Variants in MLIP observed in about 807,000 individuals in gnomAD.
The protein encoded by MLIP is muscular LMNA-interacting protein.
A neutral mutation model predicts 84.8 loss-of-function variants in MLIP; 79 were observed. That is an observed-to-expected ratio of 0.93 (90% CI 0.78 to 1.12). MLIP has a LOEUF of 1.12. Among genes scored for constraint, MLIP ranks in the 50% most tolerant of loss-of-function variants. The probability of loss-of-function intolerance (pLI) is 0.00; values close to 1 mark genes in which losing one functional copy is unlikely to be tolerated. For missense variants in MLIP, 1,257 were observed against 1,160.6 expected (o/e 1.08, Z -1.21); for synonymous variants, 504 against 463.0 (o/e 1.09, Z -1.14).
At chr6:54,241,007 G>T in intron 12 of MLIP, among the ~76,000 whole-genome samples, 1 of 151,766 alleles carries the variant, frequency 6.6e-6, no homozygotes, top group East Asian at 1.9e-4. Context: ...GAAAAAAGCA[G>T]ATTCCTAAGC....
chr6:54,026,521 A>G (rs1438417034), intron 1 of MLIP, among the ~76,000 whole-genome samples: 1 of 152,244 alleles, frequency 6.6e-6, no homozygotes, highest in Admixed American at 6.5e-5. Context: ...AATTTTAAAA[A>G]GAGAGAGGAA....
intron 13 of MLIP, chr6:54,261,841 A>T (rs1783413841): frequency 1.7e-6 from 1 of 597,542 alleles, no homozygotes; most frequent in African/African-American, 2.0e-5. Flanking sequence ...TTTCCAAAAC[A>T]TTATTTCTCA....
At chr6:54,239,972 C>T (rs1209387810) in intron 12 of MLIP, among the ~76,000 whole-genome samples, 1 of 152,102 alleles carries the variant, frequency 6.6e-6, no homozygotes, top group Non-Finnish European at 1.5e-5. Context: ...AGTCACTCTA[C>T]TTATAGTGAA....
chr6:54,249,756 C>CACAT (rs1554193614), intron 12 of MLIP, among the ~76,000 whole-genome samples: 5 of 151,030 alleles, frequency 3.3e-5, no homozygotes, highest in Non-Finnish European at 5.9e-5. Flanking sequence ...TACACACACA[C>CACAT]ATATATATAC....
chr6:54,154,483 C>T (rs9382296), intron 5 of MLIP, among the ~76,000 whole-genome samples: 1,683 of 152,234 alleles, frequency 0.011, 33 homozygotes, highest in African/African-American at 0.035. Flanking sequence ...GAGCTAAGTG[C>T]GCTTTCATCT....
intron 1 of MLIP, among the ~76,000 whole-genome samples, chr6:54,042,811 T>A (rs1420078838): frequency 6.6e-6 from 1 of 152,170 alleles, no homozygotes; most frequent in Non-Finnish European, 1.5e-5. Context: ...GAGTAACGTA[T>A]GTCACAATTT....
Position 54,138,247 on chromosome 6 carries a change from A to G in MLIP, c.2178A>G (p.Ala726=), listed in dbSNP as rs1439210261. 3.3e-6 allele frequency: 5 copies of G among 1,535,872 alleles called. No individual in the cohort carries two copies. In the South Asian group the frequency reaches 4.8e-5, roughly 15 times the overall value. The part of the protein sequence containing the change: ...TRTEELISPC[A]LSMSTGPENK... ...CAGAGGAGCTGATTTCACCTTGTGC[A>G]TTGTCCATGTCAACAGGCCCAGAAA... is the stretch of plus-strand genomic sequence containing the variant. Residue 726 remains alanine (A), a synonymous_variant, in exon 4 of 14, where the codon GCA becomes GCG. Transcript: ENST00000502396.
At chr6:54,247,030 T>C (rs766668805) in intron 12 of MLIP, among the ~76,000 whole-genome samples, 20 of 152,310 alleles carry the variant, frequency 1.3e-4, no homozygotes, top group Non-Finnish European at 2.4e-4. Context: ...TGTCTTTCTC[T>C]TTTTATTTAA....
chr6:54,240,982 A>G lies in MLIP; in HGVS notation c.2922+10065A>G, dbSNP rs1582600782. On this transcript the variant is annotated intron_variant, in intron 12 of 13. Transcript: ENST00000502396. ...AGAGTGAGACTCCGTCTCAAAAAAT[A>G]AAAAAAAATCAAAAGAAAAAAGCAG... 2.0e-5 allele frequency among the ~76,000 whole-genome samples: 3 copies of G among 148,590 alleles called. No individual in the cohort carries two copies. The East Asian group carries it at 5.8e-4, about 29-fold the overall frequency.
intron 1 of MLIP, among the ~76,000 whole-genome samples, chr6:54,081,554 G>GC (rs1726511604): frequency 6.6e-6 from 1 of 151,988 alleles, no homozygotes; most frequent in African/African-American, 2.4e-5. Flanking sequence ...GATTACAGGC[G>GC]CCCGCCACCA....
chr6:54,208,997 C>T (rs541146189), intron 11 of MLIP, among the ~76,000 whole-genome samples: 38 of 152,142 alleles, frequency 2.5e-4, no homozygotes, highest in African/African-American at 7.9e-4. Context: ...GCTCATGAGA[C>T]GTGAGATCAA....
chr6:54,136,545 G>A (rs1393520078), intron 3 of MLIP, among the ~76,000 whole-genome samples, 170 bp from the exon 4 acceptor site: 1 of 152,064 alleles, frequency 6.6e-6, no homozygotes, highest in African/African-American at 2.4e-5. Context: ...ATCTTATTTC[G>A]AATTCAGAGC....
chr6:54,124,607 G>C lies in MLIP; in HGVS notation c.387G>C (p.Gly129=), dbSNP rs1390362569. Residue 129 remains glycine (G), a synonymous_variant, in exon 3 of 14, where the codon GGG becomes GGC. Coordinates refer to ENST00000502396, the MANE Select transcript of MLIP (RefSeq NM_001281747.2). The part of the protein sequence containing the change: ...EREFEANKLQ[G]MQQSDLFKAE... ...AATTCGAAGCAAACAAACTTCAAGG[G>C]ATGCAGCAAAGTGACCTCTTCAAAG... 1 of 1,614,070 alleles carries C rather than the reference G, an allele frequency of 6.2e-7. No individual in the cohort carries two copies. The highest frequency in any genetic ancestry group is 1.3e-5 in the African/African-American group (1 of 74,928).
intron 13 of MLIP, among the ~76,000 whole-genome samples, chr6:54,259,528 G>C (rs1348295745): frequency 6.6e-6 from 1 of 151,856 alleles, no homozygotes; most frequent in Non-Finnish European, 1.5e-5. Flanking sequence ...TAATGCAAAA[G>C]ACTTTGTGAG....
In MLIP at chr6:54,124,858, A is replaced by G. The variant is rs1287632755; in HGVS notation, c.638A>G (p.His213Arg). 3 of 1,582,348 alleles carry G rather than the reference A, an allele frequency of 1.9e-6. No individual in the cohort carries two copies. Residue 213 changes from histidine to arginine, a missense_variant, in exon 3 of 14, where the codon CAT (histidine) becomes CGT (arginine). Transcript: ENST00000502396. The part of the protein sequence containing the change: ...MLHGMAPQQK[H>R]GQLTSSPTTS... ...CATGGGATGGCCCCTCAGCAAAAGC[A>G]TGGGCAGGTAGGTTTTGTGTTCCTG...
intron 1 of MLIP, among the ~76,000 whole-genome samples, chr6:54,059,413 C>T (rs958507746): frequency 3.3e-5 from 5 of 152,282 alleles, no homozygotes; most frequent in South Asian, 4.1e-4. Context: ...AATAATATTA[C>T]AATACTGCTG....
chr6:54,121,085 G>A (rs879466254), intron 1 of MLIP, among the ~76,000 whole-genome samples: 2 of 152,062 alleles, frequency 1.3e-5, no homozygotes, highest in Non-Finnish European at 2.9e-5. Flanking sequence ...GCTAACCCAG[G>A]GTTAGATGGA....
chr6:54,195,486 A>G (rs1778229237), intron 10 of MLIP, among the ~76,000 whole-genome samples: 1 of 152,112 alleles, frequency 6.6e-6, no homozygotes, highest in African/African-American at 2.4e-5. Flanking sequence ...AATATTGGTC[A>G]TGGATTCTCT....
At chr6:54,108,300 A>G (rs1769168305), upstream of MLIP, among the ~76,000 whole-genome samples, 1 of 152,240 alleles carries the variant, frequency 6.6e-6, no homozygotes, top group Non-Finnish European at 1.5e-5. Context: ...TGGGCAGACC[A>G]TAGATGACTT....
Sources: gnomAD v4.1 joint callset for allele counts (sites outside exome capture counted in the v4.1 genomes callset) on GRCh38, gnomAD v4.1.1 for gene constraint, MANE v1.5 for transcripts, NCBI Gene and HGNC (gene_info 2026-07-23, HGNC 2026-07-21) for gene names.